Variants in LRP1 observed in about 807,000 individuals in gnomAD.
LRP1 encodes the protein LDL receptor related protein 1, also known as prolow-density lipoprotein receptor-related protein 1.
A neutral mutation model predicts 541.5 loss-of-function variants in LRP1; 51 were observed. The observed-to-expected ratio is 0.09, with a 90% CI of 0.08 to 0.12. The LOEUF is 0.12. Among genes scored for constraint, LRP1 ranks in the 10% least tolerant of loss-of-function variants. The pLI is 1.00. For missense variants in LRP1, 3,878 were observed against 6,376.2 expected, an observed-to-expected ratio of 0.61 and a Z score of 13.34; for synonymous variants, 2,219 against 2,470.8, an observed-to-expected ratio of 0.90 and a Z score of 3.02.
At position 57,191,332 on chromosome 12, in the gene LRP1, T is replaced by G; in HGVS notation, c.7249T>G (p.Ser2417Ala). 6.2e-7 allele frequency: 1 copy of G among 1,604,778 alleles called. No individual in the cohort carries two copies. The highest frequency in any genetic ancestry group is 8.5e-7 in the Non-Finnish European group (1 of 1,173,054). ...GCTGTCTCCACAGGTGATCCTAAAG[T>G]CAGAGCCTGTCCACCCCTTCGGGCT... ...DGSHRYVILK[S>A]EPVHPFGLAV... The change falls in exon 44 of 89, where the codon TCA (serine) becomes GCA (alanine). Residue 2417 changes from serine to alanine, a missense_variant. By Grantham distance (99) the Ser-to-Ala change is moderately conservative. Transcript: ENST00000243077.
chr12:57,208,227 G>GC lies in LRP1; in HGVS notation c.12038+14dup, dbSNP rs751491736. The GC allele has an allele frequency of 8.1e-6, 13 of 1,611,050 alleles. No individual in the cohort carries two copies. In the South Asian group the frequency reaches 1.3e-4, roughly 16 times the overall value. Reference sequence around the variant, plus strand: ...GGACCCACTGAGGGGGTGGGCAAGGGCCCTGGGGGGAGGCCTCTGGGCTGG... The same window carrying GC: ...GGACCCACTGAGGGGGTGGGCAAGGGCCCCTGGGGGGAGGCCTCTGGGCTGG... On this transcript the variant is annotated intron_variant, in intron 77 of 88. Transcript: ENST00000243077.
rs772166341 is a variant in LRP1, at chr12:57,187,228, G to C, written c.6842-39G>C. 7 of 1,587,846 alleles carry C rather than the reference G, an allele frequency of 4.4e-6. No homozygotes were observed. The East Asian group carries it at 1.6e-4, about 36-fold the overall frequency. On this transcript the variant is annotated intron_variant, in intron 41 of 88. Transcript: ENST00000243077. ...ACGGCTCCTGTGCAGGCTGCCCTCT[G>C]GGCCCTCCTGACAAATCGCTGCTCC... is the stretch of plus-strand genomic sequence containing the variant.
intron 1 of LRP1, among the ~76,000 whole-genome samples, chr12:57,133,151 G>T (rs2035073927): frequency 1.3e-5 from 2 of 152,282 alleles, no homozygotes; most frequent in Admixed American, 1.3e-4. Context: ...AAGATGTAAG[G>T]AGTGAGTCAA....
At position 57,185,928 on chromosome 12, in the gene LRP1, C is replaced by G. The variant is rs751164601; in HGVS notation, c.6841+20C>G. The G allele has an allele frequency of 2.5e-6, 4 of 1,601,708 alleles. No individual in the cohort carries two copies. In the Admixed American group the frequency reaches 6.7e-5, roughly 27 times the overall value. On this transcript the variant is annotated intron_variant, in intron 41 of 88. Transcript: ENST00000243077. This position sits in a 1 kb window ranked among gnomAD's most constrained non-coding sequence, Gnocchi z 4.9. Reference sequence around the variant, plus strand: ...TGGAAAGTGAGCCCAGACCCTAAGTCTTCCCAGGAAGTGGGACATGGGGCG... The same window carrying G: ...TGGAAAGTGAGCCCAGACCCTAAGTGTTCCCAGGAAGTGGGACATGGGGCG...
rs974652279 is a variant in LRP1, at chr12:57,198,947, C to T, written c.9677-265C>T. 3.9e-5 allele frequency among the ~76,000 whole-genome samples: 6 copies of T among 152,106 alleles called. No homozygotes were observed. In the East Asian group the frequency reaches 7.7e-4, roughly 20 times the overall value. On this transcript the variant is annotated intron_variant, in intron 60 of 88. Coordinates refer to ENST00000243077, the MANE Select transcript of LRP1 (RefSeq NM_002332.3). ...AAGGAGGGTGGGGGTGGGAGGCCTG[C>T]GATTGAGAACTGCAGTGCTCCCCAC...
intron 42 of LRP1, among the ~76,000 whole-genome samples, chr12:57,188,630 G>A (rs1470732578): frequency 6.6e-6 from 1 of 152,196 alleles, no homozygotes; most frequent in Non-Finnish European, 1.5e-5. Context: ...CCTGGCCCTC[G>A]TCCCAGAGGA....
intron 2 of LRP1, among the ~76,000 whole-genome samples, chr12:57,138,902 C>T (rs1044436233): frequency 6.6e-6 from 1 of 152,198 alleles, no homozygotes; most frequent in Non-Finnish European, 1.5e-5. Flanking sequence ...ACCTCTCAGC[C>T]TCCCTGACCC....
chr12:57,146,191 C>G (rs921422892), intron 6 of LRP1, among the ~76,000 whole-genome samples: 3 of 150,438 alleles, frequency 2.0e-5, no homozygotes, highest in Admixed American at 6.7e-5. Context: ...ACAGCCCTGC[C>G]CATCTCAGAG....
chr12:57,161,719 A>C (rs1234159643), intron 13 of LRP1, among the ~76,000 whole-genome samples: 2 of 152,044 alleles, frequency 1.3e-5, no homozygotes, highest in African/African-American at 4.8e-5. Context: ...CATGCAGTTC[A>C]TTCCACATGG....
rs2036110827 is a variant in LRP1, at chr12:57,179,212, A to C, written c.4739-117A>C. On this transcript the variant is annotated intron_variant, in intron 28 of 88. Coordinates refer to ENST00000243077, the MANE Select transcript of LRP1 (RefSeq NM_002332.3). This position sits in a 1 kb window ranked among gnomAD's most constrained non-coding sequence, Gnocchi z 6.8. ...GGGCTGCACCCAGCGGGGTATGTCC[A>C]CGGAGCCAAGGGCCAGTAGCAAACA... 4.3e-6 allele frequency: 5 copies of C among 1,171,696 alleles called. No individual in the cohort carries two copies. In the East Asian group the frequency reaches 1.3e-4, roughly 30 times the overall value. 72.6% of individuals were successfully genotyped at this position (1,171,696 alleles called of 1,614,324 possible). A position where few individuals can be genotyped will look rare whatever the true frequency, so the allele number is the denominator to read the frequency against.
chr12:57,204,251 G>A lies in LRP1; in HGVS notation c.10952-159G>A. 1.2e-6 allele frequency: 1 copy of A among 844,872 alleles called. No individual in the cohort carries two copies. The highest frequency in any genetic ancestry group is 1.7e-6 in the Non-Finnish European group (1 of 576,196). 52.3% of individuals were successfully genotyped at this position (844,872 alleles called of 1,614,324 possible). A position where few individuals can be genotyped will look rare whatever the true frequency, so the allele number is the denominator to read the frequency against. ...TCTCCCCTAAATACCAGAGGGGGCA[G>A]TTTGGCCCCACCAAGTAGAAATTTA... On this transcript the variant is annotated intron_variant, in intron 70 of 88. Transcript: ENST00000243077. This position sits in a 1 kb window ranked among gnomAD's most constrained non-coding sequence, Gnocchi z 5.3.
In LRP1 at chr12:57,179,869, A is replaced by C; in HGVS notation, c.5054A>C (p.Asn1685Thr). 1 of 1,614,170 alleles carries C rather than the reference A, an allele frequency of 6.2e-7. No homozygotes were observed. The highest frequency in any genetic ancestry group is 8.5e-7 in the Non-Finnish European group (1 of 1,180,028). Residue 1685 changes from asparagine to threonine, a missense_variant, in exon 30 of 89, where the codon AAT becomes ACT. Around this residue, in one of 13 missense-constraint regions of LRP1, gnomAD observed 394 missense variants for 635.9 expected, o/e 0.62. Coordinates refer to ENST00000243077, the MANE Select transcript of LRP1 (RefSeq NM_002332.3). This position sits in a 1 kb window ranked among gnomAD's most constrained non-coding sequence, Gnocchi z 6.8. The stretch of plus-strand genomic sequence containing the variant: ...TATGACACCAATAAGAAGCAGATCA[A>C]TGTGGCCCGGCTGGATGGCTCCTTC... ...TSYDTNKKQI[N>T]VARLDGSFKN...
chr12:57,131,526 T>C (rs1443038395), intron 1 of LRP1, among the ~76,000 whole-genome samples: 1 of 151,802 alleles, frequency 6.6e-6, no homozygotes, highest in Non-Finnish European at 1.5e-5. Flanking sequence ...GTTACTAGAG[T>C]AGGTACAGTG....
chr12:57,212,205 G>C lies in LRP1; in HGVS notation c.13438G>C (p.Glu4480Gln), dbSNP rs763067722. The C allele has an allele frequency of 1.7e-5, 27 of 1,613,880 alleles. No homozygotes were observed. The highest frequency in any genetic ancestry group is 2.0e-5 in the Non-Finnish European group (24 of 1,180,030). ...NPTYKMYEGG[E>Q]PDDVGGLLDA... ...CACCTACAAGATGTACGAAGGCGGA[G>C]AGCCTGATGATGTGGGAGGCCTACT... Residue 4480 changes from glutamate (E) to glutamine (Q), a missense_variant, in exon 88 of 89, where the codon GAG becomes CAG. Transcript: ENST00000243077. The surrounding 1 kb of genome is among the most constrained non-coding windows in gnomAD (Gnocchi z 5.0).
Position 57,185,313 on chromosome 12 carries a change from A to C in LRP1, c.6463+108A>C. 3 of 1,475,128 alleles carry C rather than the reference A, an allele frequency of 2.0e-6. No homozygotes were observed. Among genetic ancestry groups the C allele is most frequent in the Non-Finnish European group, 1.8e-6 (2 of 1,083,844 alleles). The allele number at this position is 1,475,128 out of a possible 1,614,324, so 91.4% of individuals were successfully genotyped here. ...GAGGGCTGGGAGACAAGTTAGACCC[A>C]TGGGGCAACTTCCGATGGCCCGAGA... On this transcript the variant is annotated intron_variant, in intron 40 of 88. Coordinates refer to ENST00000243077, the MANE Select transcript of LRP1 (RefSeq NM_002332.3). This position sits in a 1 kb window ranked among gnomAD's most constrained non-coding sequence, Gnocchi z 4.9.
rs1273655612 is a variant in LRP1 at position 57,211,575 on chromosome 12, A to G, written c.13180A>G (p.Met4394Val). The G allele has an allele frequency of 4.3e-6, 7 of 1,613,966 alleles. No individual in the cohort carries two copies. The highest frequency in any genetic ancestry group is 5.9e-6 in the Non-Finnish European group (7 of 1,179,968). Residue 4394 changes from methionine (M) to valine (V), a missense_variant, in exon 85 of 89, where the codon ATG becomes GTG. Physicochemically the swap from Met to Val is conservative, Grantham distance 21 (BLOSUM62 1). This residue lies in a region of LRP1 where 871 missense variants were observed against 1,212.4 expected (regional missense o/e 0.72). Coordinates refer to ENST00000243077, the MANE Select transcript of LRP1 (RefSeq NM_002332.3). The surrounding 1 kb of genome is among the most constrained non-coding windows in gnomAD (Gnocchi z 4.3). ...GGSCTMNSKM[M>V]PECQCPPHMT... is the part of the protein sequence containing the mutation. Reference sequence around the variant, plus strand: ...CTCCTGTACCATGAACAGCAAAATGATGCCTGAGTGCCAGTGAGTTGGGCC... The same window carrying G: ...CTCCTGTACCATGAACAGCAAAATGGTGCCTGAGTGCCAGTGAGTTGGGCC...
intron 13 of LRP1, among the ~76,000 whole-genome samples, chr12:57,161,420 C>G (rs897233725): frequency 6.6e-6 from 1 of 152,172 alleles, no homozygotes; most frequent in African/African-American, 2.4e-5. Context: ...TGCGCCTCCT[C>G]ATGTGTGTGC....
Position 57,165,986 on chromosome 12 carries a change from C to G in LRP1, c.2671+41C>G, listed in dbSNP as rs2035830442. ...TGCCCCACCCTGTTGGATGGCAGGC[C>G]TGCAGGGCAGCTCGGCTCTGGCAGT... On this transcript the variant is annotated intron_variant, in intron 16 of 88. Transcript: ENST00000243077. The surrounding 1 kb of genome is among the most constrained non-coding windows in gnomAD (Gnocchi z 4.5). 1 of 1,612,442 alleles carries G rather than the reference C, an allele frequency of 6.2e-7. No individual in the cohort carries two copies. The highest frequency in any genetic ancestry group is 1.3e-5 in the African/African-American group (1 of 74,924).
intron 3 of LRP1, among the ~76,000 whole-genome samples, chr12:57,143,045 C>A (rs898821464): frequency 4.6e-5 from 7 of 152,114 alleles, no homozygotes; most frequent in African/African-American, 1.4e-4. Flanking sequence ...ACTGCTCTCC[C>A]ACCTCTCCCC....
Sources: gnomAD v4.1 joint callset for allele counts (sites outside exome capture counted in the v4.1 genomes callset) on GRCh38, gnomAD v4.1.1 for gene constraint, gnomAD v4.1.1 regional missense constraint, Gnocchi (gnomAD v3.1) non-coding constraint, MANE v1.5 for transcripts, NCBI Gene and HGNC (gene_info 2026-07-23, HGNC 2026-07-21) for gene names.